ENPEP: variants seen among roughly 807,000 people sequenced by gnomAD.
ENPEP encodes AP-A.
Under a neutral mutation model 114.5 loss-of-function variants are expected in ENPEP, and 103 were observed. The observed-to-expected ratio is 0.90, with a 90% CI of 0.77 to 1.06. The LOEUF is 1.06. Among genes scored for constraint, ENPEP ranks in the 50% least tolerant of loss-of-function variants. The pLI, the probability that ENPEP is intolerant of heterozygous loss-of-function variation, is 0.00. For synonymous variants in ENPEP, 420 were observed against 422.0 expected, an observed-to-expected ratio of 1.00 and a Z score of 0.06; for missense variants, 1,196 against 1,161.3, an observed-to-expected ratio of 1.03 and a Z score of -0.43.
intron 3 of ENPEP, among the ~76,000 whole-genome samples, chr4:110,491,727 T>G (rs1049782908): frequency 1.7e-5 from 1 of 60,030 alleles, no homozygotes; most frequent in African/African-American, 4.3e-5. Flanking sequence ...TCTTTTTTTT[T>G]TTTTTTTTTT....
intron 6 of ENPEP, 112 bp downstream of exon 6, chr4:110,510,470 G>C: frequency 1.1e-6 from 1 of 882,300 alleles, no homozygotes; most frequent in African/African-American, 1.7e-5. Context: ...AGTGGTGAGC[G>C]GGGAATTCCA....
chr4:110,544,261 G>T (rs76780998), intron 13 of ENPEP, among the ~76,000 whole-genome samples: 2,630 of 152,058 alleles, frequency 0.017, 67 homozygotes, highest in African/African-American at 0.061. Context: ...CTTCTGTGAG[G>T]AATAAATGAG....
intron 1 of ENPEP, among the ~76,000 whole-genome samples, chr4:110,477,475 C>T (rs144122851): frequency 3.3e-5 from 5 of 152,152 alleles, no homozygotes; most frequent in East Asian, 1.9e-4. Flanking sequence ...ACTAAATTTA[C>T]GTGAAACATC....
At position 110,542,740 on chromosome 4, in the gene ENPEP, T is replaced by A. The variant is rs1726895600; in HGVS notation, c.1808-11T>A. 2 of 1,605,440 alleles carry A rather than the reference T, an allele frequency of 1.2e-6. No homozygotes were observed. Among genetic ancestry groups the A allele is most frequent in the East Asian group, 4.5e-5 (2 of 44,722 alleles). On this transcript the variant is annotated splice_polypyrimidine_tract_variant and intron_variant, in intron 11 of 19. Transcript: ENST00000265162. ...AACATGTTGCTCATTAGTGTTTATT[T>A]ACTACTACAGGAATCACTTTGAACT...
intron 6 of ENPEP, 104 bp downstream of exon 6, chr4:110,510,462 T>G (rs887363163): frequency 3.1e-6 from 3 of 956,404 alleles, no homozygotes; most frequent in Admixed American, 4.0e-5. Context: ...GCAAGTACAG[T>G]GGTGAGCGGG....
Position 110,561,681 on chromosome 4 carries a change from T to G in ENPEP, c.*123T>G, listed in dbSNP as rs1179589338. The G allele has an allele frequency of 1.1e-6, 1 of 870,164 alleles. No homozygotes were observed. The highest frequency in any genetic ancestry group is 3.0e-5 in the Admixed American group (1 of 33,882). 53.9% of individuals were successfully genotyped at this position (870,164 alleles called of 1,614,324 possible). A position where few individuals can be genotyped will look rare whatever the true frequency, so the allele number is the denominator to read the frequency against. On this transcript the variant is annotated 3_prime_UTR_variant, in exon 20 of 20. Transcript: ENST00000265162. ...AACAGATAATGCTTTTACTAAGCAC[T>G]GTGTTTATATGTCTTGCAAAGCCTT...
At chr4:110,535,510 C>T (rs541795168) in intron 11 of ENPEP, among the ~76,000 whole-genome samples, 10 of 152,152 alleles carry the variant, frequency 6.6e-5, no homozygotes, top group Non-Finnish European at 1.5e-4. Flanking sequence ...TTTAGAAACT[C>T]AATTTGTCAG....
chr4:110,558,300 T>C (rs1027592685), intron 18 of ENPEP, among the ~76,000 whole-genome samples: 120 of 140,488 alleles, frequency 8.5e-4, no homozygotes, highest in African/African-American at 3.5e-3. Flanking sequence ...ATATAAATTT[T>C]TTTTTGAGAC....
At chr4:110,538,818 T>C (rs1319600356) in intron 11 of ENPEP, among the ~76,000 whole-genome samples, 1 of 151,990 alleles carries the variant, frequency 6.6e-6, no homozygotes, top group Non-Finnish European at 1.5e-5. Flanking sequence ...TGGGCTAATA[T>C]CGATATGGCT....
intron 3 of ENPEP, among the ~76,000 whole-genome samples, chr4:110,491,508 C>T (rs539629938): frequency 6.6e-6 from 1 of 152,186 alleles, no homozygotes; most frequent in Non-Finnish European, 1.5e-5. Flanking sequence ...GTACCTCTCC[C>T]AGATATAGAC....
At chr4:110,527,693 C>G (rs1297389285) in intron 10 of ENPEP, among the ~76,000 whole-genome samples, 1 of 152,096 alleles carries the variant, frequency 6.6e-6, no homozygotes, top group Admixed American at 6.5e-5. Context: ...GTTTTGTGTT[C>G]TAGCAAATTA....
At position 110,549,774 on chromosome 4, in the gene ENPEP, G is replaced by A. The variant is rs775286203; in HGVS notation, c.2389G>A (p.Glu797Lys). ...GTATGGGATGCAGAACTCTGGCAAT[G>A]AGATTTCATGGAACTACACTCTTGA... Reference protein sequence around the residue: ...YRYGMQNSGNEISWNYTLEQY... With the variant: ...YRYGMQNSGNKISWNYTLEQY... Residue 797 changes from glutamate (E) to lysine (K), a missense_variant, in exon 17 of 20, where the codon GAG becomes AAG. Transcript: ENST00000265162. The A allele has an allele frequency of 2.2e-5, 35 of 1,613,306 alleles. No homozygotes were observed. The highest frequency in any genetic ancestry group is 2.9e-5 in the Non-Finnish European group (34 of 1,179,622).
chr4:110,491,239 T>C (rs1287910676), intron 3 of ENPEP, 75 bp downstream of exon 3: 2 of 1,391,456 alleles, frequency 1.4e-6, no homozygotes, highest in Non-Finnish European at 1.9e-6. Context: ...TGGGTAGTTT[T>C]TTTTTTTTTT....
intron 4 of ENPEP, among the ~76,000 whole-genome samples, chr4:110,507,188 C>T (rs557973160): frequency 6.6e-6 from 1 of 152,292 alleles, no homozygotes; most frequent in African/African-American, 2.4e-5. Context: ...CCATGTGCTT[C>T]CAGTCTTTCC....
chr4:110,548,200 G>T lies in ENPEP; in HGVS notation c.2025G>T (p.Val675=), dbSNP rs147947032. 150 of 1,501,532 alleles carry T rather than the reference G, an allele frequency of 1.0e-4. No individual in the cohort carries two copies. The highest frequency in any genetic ancestry group is 5.4e-4 in the Middle Eastern group (3 of 5,532). The allele number at this position is 1,501,532 out of a possible 1,614,324, so 93.0% of individuals were successfully genotyped here. A position where few individuals can be genotyped will look rare whatever the true frequency, so the allele number is the denominator to read the frequency against. The change falls in exon 14 of 20, where the codon GTG becomes GTT. Residue 675 remains valine (V), a synonymous_variant. Transcript: ENST00000265162. The part of the protein sequence containing the change: ...LARAQLLDYK[V]ALNLTKYLKR... ...GAGCTCAACTTCTAGATTATAAGGT[G>T]GCTTTGAACTTGACCAAGTATCTCA...
chr4:110,552,366 T>G (rs1727323535), intron 17 of ENPEP, among the ~76,000 whole-genome samples: 1 of 152,192 alleles, frequency 6.6e-6, no homozygotes, highest in Non-Finnish European at 1.5e-5. Context: ...CTACTTCAAG[T>G]ATGCTAAGGG....
In ENPEP at chr4:110,517,887, C is replaced by A. The variant is rs547335162; in HGVS notation, c.1510-2121C>A. Among the ~76,000 whole-genome samples the A allele has an allele frequency of 1.8e-4, 27 of 152,314 alleles. No individual in the cohort carries two copies. The South Asian group carries it at 5.6e-3, about 32-fold the overall frequency. On this transcript the variant is annotated intron_variant, in intron 8 of 19. Transcript: ENST00000265162. Reference sequence around the variant, plus strand: ...CAATAAACCCTCAGACCAACTGGAACATAGTTCCATAGTTCACATAGTTTG... The same window carrying A: ...CAATAAACCCTCAGACCAACTGGAAAATAGTTCCATAGTTCACATAGTTTG...
In ENPEP at chr4:110,524,715, C is replaced by T. The variant is rs1225845581; in HGVS notation, c.1727+4349C>T. On this transcript the variant is annotated intron_variant, in intron 10 of 19. Transcript: ENST00000265162. ...GATTTTCTAAGTATTTCAATTAAAA[C>T]AATTCCAGTATGTCATTTTCTCTAC... 3.3e-5 allele frequency among the ~76,000 whole-genome samples: 5 copies of T among 152,230 alleles called. No homozygotes were observed. The South Asian group carries it at 8.3e-4, about 25-fold the overall frequency.
intron 18 of ENPEP, among the ~76,000 whole-genome samples, chr4:110,557,985 G>A (rs932218660): frequency 2.1e-5 from 3 of 146,306 alleles, no homozygotes; most frequent in East Asian, 2.0e-4. Context: ...ATATTACAAC[G>A]ATTTGTTCTC....
Sources: allele counts gnomAD v4.1 joint callset (sites outside exome capture counted in the v4.1 genomes callset), GRCh38; gene constraint gnomAD v4.1.1; transcripts MANE v1.5; gene names NCBI Gene and HGNC (gene_info 2026-07-23, HGNC 2026-07-21).